Variants in PRKCI observed in about 807,000 individuals in gnomAD.
PRKCI encodes the protein protein kinase C iota.
PRKCI carries 43 observed loss-of-function variants against 84.0 expected under a neutral mutation model. That is an observed-to-expected ratio of 0.51 (90% CI 0.40 to 0.66). PRKCI has a LOEUF of 0.66. Among genes scored for constraint, PRKCI ranks in the 30% least tolerant of loss-of-function variants. The pLI is 0.00. For missense variants in PRKCI, 459 were observed against 745.6 expected, an observed-to-expected ratio of 0.62 and a Z score of 4.48; for synonymous variants, 216 against 234.4, an observed-to-expected ratio of 0.92 and a Z score of 0.72.
At chr3:170,265,188 CAAA>C (rs71634708) in intron 4 of PRKCI, among the ~76,000 whole-genome samples, 4 of 116,420 alleles carry the variant, frequency 3.4e-5, no homozygotes, top group African/African-American at 6.4e-5. Flanking sequence ...GACTCTGTCT[CAAA>C]AAAAAAAAAA....
chr3:170,299,976 A>G (rs74410867), intron 17 of PRKCI, among the ~76,000 whole-genome samples: 151 of 152,318 alleles, frequency 9.9e-4, no homozygotes, highest in African/African-American at 3.5e-3. Flanking sequence ...GTGATCTGGT[A>G]TATTTTTTGT....
At chr3:170,240,723 A>G (rs1237384854) in intron 2 of PRKCI, among the ~76,000 whole-genome samples, 1 of 152,348 alleles carries the variant, frequency 6.6e-6, no homozygotes, top group Admixed American at 6.5e-5. Context: ...TCTCTGGCAT[A>G]TGAGAAGTGC....
chr3:170,275,106 C>A, intron 7 of PRKCI, 123 bp from the exon 8 acceptor site: 1 of 1,188,662 alleles, frequency 8.4e-7, no homozygotes, highest in Non-Finnish European at 1.1e-6. Context: ...AAAATTTATT[C>A]AGAAGTAAAA....
rs1232817418 is a variant in PRKCI, at chr3:170,235,298, T to C, written c.170T>C (p.Met57Thr). The C allele has an allele frequency of 2.5e-6, 4 of 1,614,052 alleles. No individual in the cohort carries two copies. The highest frequency in any genetic ancestry group is 2.5e-6 in the Non-Finnish European group (3 of 1,179,918). Residue 57 changes from methionine to threonine, a missense_variant, in exon 2 of 18, where the codon ATG (methionine) becomes ACG (threonine). This residue lies in a region of PRKCI where 250 missense variants were observed against 319.7 expected (regional missense o/e 0.78). Transcript: ENST00000295797. ...FEGLCNEVRD[M>T]CSFDNEQLFT... is the part of the protein sequence containing the mutation. The stretch of plus-strand genomic sequence containing the variant: ...GGCCTTTGCAATGAGGTTCGAGACA[T>C]GTGTTCTTTTGACAACGAACAGCTC...
At position 170,222,643 on chromosome 3, in the gene PRKCI, C is replaced by G; in HGVS notation, c.-27C>G. On this transcript the variant is annotated 5_prime_UTR_variant, in exon 1 of 18. Coordinates refer to ENST00000295797, the MANE Select transcript of PRKCI (RefSeq NM_002740.6). ...AAGCGCCCCCCCGCACCCCCGGCCT[C>G]CAGCGTTGAGGCGGGGGAGTGAGGA... 1 of 1,543,310 alleles carries G rather than the reference C, an allele frequency of 6.5e-7. No individual in the cohort carries two copies. The highest frequency in any genetic ancestry group is 8.7e-7 in the Non-Finnish European group (1 of 1,144,900).
chr3:170,294,247 C>CCCCA (rs1369392588), intron 14 of PRKCI, among the ~76,000 whole-genome samples: 1 of 152,012 alleles, frequency 6.6e-6, no homozygotes, highest in Non-Finnish European at 1.5e-5. Context: ...GGAAAAAAGG[C>CCCCA]CCCACATCAG....
At chr3:170,250,101 A>T (rs964208905) in intron 2 of PRKCI, among the ~76,000 whole-genome samples, 3 of 147,924 alleles carry the variant, frequency 2.0e-5, no homozygotes, top group Non-Finnish European at 4.5e-5. Context: ...TGTCGCTATT[A>T]AAAAAATACA....
At chr3:170,293,208 C>A in intron 13 of PRKCI, 175 bp from the exon 14 acceptor site, 2 of 498,944 alleles carry the variant, frequency 4.0e-6, no homozygotes, top group South Asian at 3.9e-5. Flanking sequence ...TAGGTACCTA[C>A]CCTTGTTGAT....
At position 170,229,228 on chromosome 3, in the gene PRKCI, C is replaced by T. The variant is rs73034315; in HGVS notation, c.102-6002C>T. ...TGAGTTCATATTTCCACACATGCAT[C>T]TGCAACTTGATTTTAAAAATCGTGG... On this transcript the variant is annotated intron_variant, in intron 1 of 17. Coordinates refer to ENST00000295797, the MANE Select transcript of PRKCI (RefSeq NM_002740.6). Among the ~76,000 whole-genome samples, 532 of 152,296 alleles carry T rather than the reference C, an allele frequency of 3.5e-3. 5 individuals carry two copies. Among genetic ancestry groups the T allele is most frequent in the African/African-American group, 0.012 (513 of 41,570 alleles).
intron 12 of PRKCI, among the ~76,000 whole-genome samples, chr3:170,285,830 C>T (rs1232400589): frequency 2.6e-5 from 4 of 151,922 alleles, no homozygotes; most frequent in Admixed American, 2.6e-4. Flanking sequence ...CTGCAACCTC[C>T]GCCTCCTGGA....
At chr3:170,292,308 C>T (rs1271185554) in intron 13 of PRKCI, among the ~76,000 whole-genome samples, 3 of 152,122 alleles carry the variant, frequency 2.0e-5, no homozygotes, top group East Asian at 3.9e-4. Flanking sequence ...TTAAATAACT[C>T]GCCTAAGGTC....
chr3:170,280,054 T>C (rs1734206338), intron 8 of PRKCI, 173 bp from the exon 9 acceptor site: 4 of 545,486 alleles, frequency 7.3e-6, no homozygotes, highest in Non-Finnish European at 1.2e-5. Flanking sequence ...CCATATAATC[T>C]GGATAGTTAG....
intron 8 of PRKCI, 124 bp downstream of exon 8, chr3:170,275,411 T>G: frequency 1.2e-6 from 1 of 839,556 alleles, no homozygotes; most frequent in Non-Finnish European, 1.7e-6. Flanking sequence ...AAAAATGATT[T>G]GTAATGATTC....
chr3:170,277,028 G>A (rs1232197484), intron 8 of PRKCI, among the ~76,000 whole-genome samples: 2 of 150,142 alleles, frequency 1.3e-5, no homozygotes, highest in East Asian at 4.0e-4. Flanking sequence ...ATCACTTGAG[G>A]CCAGGAGTTT....
intron 2 of PRKCI, among the ~76,000 whole-genome samples, chr3:170,259,575 G>A (rs1039378115): frequency 1.3e-5 from 2 of 152,082 alleles, no homozygotes; most frequent in Non-Finnish European, 2.9e-5. Flanking sequence ...TTGGGAGGCC[G>A]AGGCAGGCGG....
At chr3:170,231,932 TG>T (rs1274225805) in intron 1 of PRKCI, among the ~76,000 whole-genome samples, 1 of 152,188 alleles carries the variant, frequency 6.6e-6, no homozygotes, top group South Asian at 2.1e-4. Context: ...CCGAGTGTGG[TG>T]GCTCACGCCT....
chr3:170,275,038 CTA>C (rs1734079436), intron 7 of PRKCI, among the ~76,000 whole-genome samples, 189 bp from the exon 8 acceptor site: 1 of 152,090 alleles, frequency 6.6e-6, no homozygotes, highest in Non-Finnish European at 1.5e-5. Context: ...TAGGATTTAA[CTA>C]TTGTATTTAC....
chr3:170,260,994 T>G (rs1258913155), intron 3 of PRKCI, among the ~76,000 whole-genome samples: 1 of 152,126 alleles, frequency 6.6e-6, no homozygotes, highest in African/African-American at 2.4e-5. Flanking sequence ...TCTCGCTCTG[T>G]TGCCCAGGCT....
At chr3:170,265,321 T>G (rs985339063) in intron 4 of PRKCI, among the ~76,000 whole-genome samples, 58 of 152,358 alleles carry the variant, frequency 3.8e-4, no homozygotes, top group African/African-American at 1.3e-3. Context: ...AACCACCATT[T>G]AAAAGCTTCC....
Sources: allele counts gnomAD v4.1 joint callset (sites outside exome capture counted in the v4.1 genomes callset), GRCh38; gene constraint gnomAD v4.1.1; regional missense constraint gnomAD v4.1.1; transcripts MANE v1.5; gene names NCBI Gene and HGNC (gene_info 2026-07-23, HGNC 2026-07-21).